The following TBC1D5 variants were observed in gnomAD, a reference collection of about 807,000 sequenced individuals.
The protein encoded by TBC1D5 is TBC1 domain family member 5.
A neutral mutation model predicts 100.3 loss-of-function variants in TBC1D5; 75 were observed. The observed-to-expected ratio is 0.75, with a 90% CI of 0.62 to 0.91. The LOEUF is 0.91. Ranked by LOEUF, TBC1D5 falls within the 40% of genes least tolerant of loss-of-function variation. TBC1D5 has a pLI of 0.00. For missense variants in TBC1D5, 910 were observed against 942.4 expected, an observed-to-expected ratio of 0.97 and a Z score of 0.45; for synonymous variants, 323 against 325.6, an observed-to-expected ratio of 0.99 and a Z score of 0.09.
At chr3:17,256,964 G>A (rs1465349582) in intron 16 of TBC1D5, among the ~76,000 whole-genome samples, 1 of 152,090 alleles carries the variant, frequency 6.6e-6, no homozygotes, top group African/African-American at 2.4e-5. Flanking sequence ...CTAAGCAAGG[G>A]CAAATAACAG....
At chr3:17,714,164 C>T (rs1280423803) in intron 1 of TBC1D5, among the ~76,000 whole-genome samples, 1 of 152,062 alleles carries the variant, frequency 6.6e-6, no homozygotes, top group Non-Finnish European at 1.5e-5. Flanking sequence ...CTGGGAGCTA[C>T]CTTAATGACT....
chr3:17,436,837 G>A (rs1444549501), intron 3 of TBC1D5, among the ~76,000 whole-genome samples: 1 of 152,080 alleles, frequency 6.6e-6, no homozygotes, highest in Admixed American at 6.5e-5. Context: ...GATAAAACAA[G>A]CTATAAGAGG....
At chr3:17,682,559 C>T (rs1186825368) in intron 1 of TBC1D5, among the ~76,000 whole-genome samples, 2 of 151,350 alleles carry the variant, frequency 1.3e-5, no homozygotes, top group Admixed American at 1.3e-4. Flanking sequence ...TGAATTAAGA[C>T]TCCTGTTAAA....
chr3:17,310,703 A>T (rs896255943), intron 13 of TBC1D5, among the ~76,000 whole-genome samples: 4 of 152,066 alleles, frequency 2.6e-5, no homozygotes, highest in African/African-American at 4.8e-5. Context: ...AAAAAATACC[A>T]AAACCACATA....
chr3:17,719,909 T>C (rs2075552294), intron 1 of TBC1D5, among the ~76,000 whole-genome samples: 1 of 152,308 alleles, frequency 6.6e-6, no homozygotes, highest in South Asian at 2.1e-4. Context: ...ATGCAAAATA[T>C]ATCAACTTAG....
In TBC1D5 at chr3:17,619,687, A is replaced by C. The variant is rs142568140; in HGVS notation, c.-36+4162T>G. Among the ~76,000 whole-genome samples, 20 of 152,364 alleles carry C rather than the reference A, an allele frequency of 1.3e-4. No homozygotes were observed. The East Asian group carries it at 3.5e-3, about 26-fold the overall frequency. ...GAGGGATTCTTCCTATAAACTAAGA[A>C]TTCATAAAAGAAAACGCTTTCTCAA... On this transcript the variant is annotated intron_variant, in intron 2 of 21. Coordinates refer to ENST00000253692, the Ensembl canonical transcript of TBC1D5.
At chr3:17,385,586 TGGTCC>T (rs2093120365) in intron 8 of TBC1D5, among the ~76,000 whole-genome samples, 1 of 150,960 alleles carries the variant, frequency 6.6e-6, no homozygotes, top group Admixed American at 6.6e-5. Context: ...TCTTTTTTTC[TGGTCC>T]TAATTTTTTA....
In TBC1D5 at chr3:17,705,463, C is replaced by T. The variant is rs1185810550; in HGVS notation, c.-101+33880G>A. On this transcript the variant is annotated intron_variant, in intron 1 of 21. Coordinates refer to ENST00000253692, the Ensembl canonical transcript of TBC1D5. Reference sequence around the variant, plus strand: ...CTCACTTCTCAGACGGGGCAGCTGTCGGGCGGAGGGGCTCCTCACTTCTCA... The same window carrying T: ...CTCACTTCTCAGACGGGGCAGCTGTTGGGCGGAGGGGCTCCTCACTTCTCA... 8.2e-4 allele frequency among the ~76,000 whole-genome samples: 123 copies of T among 149,290 alleles called. 1 individual carries two copies. Among genetic ancestry groups the T allele is most frequent in the Admixed American group, 6.5e-3 (99 of 15,134 alleles).
intron 1 of TBC1D5, among the ~76,000 whole-genome samples, chr3:17,712,807 A>C (rs540984225): frequency 4.6e-5 from 7 of 152,290 alleles, no homozygotes; most frequent in Non-Finnish European, 8.8e-5. Flanking sequence ...ATTCCACACA[A>C]CTCAGAGCCC....
chr3:17,213,094 A>T (rs1195106934), intron 18 of TBC1D5, among the ~76,000 whole-genome samples: 1 of 152,150 alleles, frequency 6.6e-6, no homozygotes, highest in Non-Finnish European at 1.5e-5. Flanking sequence ...TTTTTCCTGT[A>T]TACCTTACCT....
At chr3:17,261,785 A>C (rs1456579462) in intron 15 of TBC1D5, among the ~76,000 whole-genome samples, 2 of 151,782 alleles carry the variant, frequency 1.3e-5, no homozygotes, top group Non-Finnish European at 2.9e-5. Context: ...AGCCTTCCAA[A>C]GTGCTGTTAT....
chr3:17,599,945 T>C (rs1290526388), intron 2 of TBC1D5, among the ~76,000 whole-genome samples: 1 of 152,222 alleles, frequency 6.6e-6, no homozygotes, highest in African/African-American at 2.4e-5. Context: ...CCTACCTCAG[T>C]ATCTTGCACC....
At chr3:17,621,703 C>T (rs1035430175) in intron 2 of TBC1D5, among the ~76,000 whole-genome samples, 2 of 132,070 alleles carry the variant, frequency 1.5e-5, no homozygotes, top group Non-Finnish European at 3.4e-5. Context: ...AGTATTCTCG[C>T]TAACTTTTTT....
At chr3:17,190,479 C>G (rs2069732973) in intron 18 of TBC1D5, among the ~76,000 whole-genome samples, 1 of 152,124 alleles carries the variant, frequency 6.6e-6, no homozygotes, top group Admixed American at 6.5e-5. Flanking sequence ...AAGTATGGCA[C>G]CTAGGCAACC....
intron 3 of TBC1D5, among the ~76,000 whole-genome samples, chr3:17,431,577 A>T (rs1269998102): frequency 6.6e-6 from 1 of 152,038 alleles, no homozygotes; most frequent in African/African-American, 2.4e-5. Flanking sequence ...TTCATCAATT[A>T]CTTGTGACCG....
intron 2 of TBC1D5, among the ~76,000 whole-genome samples, chr3:17,515,551 A>C (rs1044778479): frequency 8.5e-5 from 13 of 152,210 alleles, no homozygotes; most frequent in African/African-American, 3.1e-4. Context: ...AAGTTATGTG[A>C]CTTATGTAAG....
intron 1 of TBC1D5, among the ~76,000 whole-genome samples, chr3:17,626,727 T>A (rs1489352521): frequency 6.6e-6 from 1 of 152,106 alleles, no homozygotes; most frequent in Non-Finnish European, 1.5e-5. Flanking sequence ...AAGGCCATCA[T>A]AGAGTAAAAT....
At chr3:17,230,372 A>T (rs1232772348) in intron 17 of TBC1D5, among the ~76,000 whole-genome samples, 1 of 152,072 alleles carries the variant, frequency 6.6e-6, no homozygotes, top group African/African-American at 2.4e-5. Flanking sequence ...ATTATGCCTC[A>T]ATTTAATATA....
chr3:17,397,960 T>C (rs966232007), intron 8 of TBC1D5, among the ~76,000 whole-genome samples: 43 of 152,184 alleles, frequency 2.8e-4, no homozygotes, highest in African/African-American at 1.0e-3. Context: ...CTTATAAATA[T>C]GTTAATCTGC....
Sources: allele counts gnomAD v4.1 joint callset (sites outside exome capture counted in the v4.1 genomes callset), GRCh38; gene constraint gnomAD v4.1.1; transcripts MANE v1.5; gene names NCBI Gene and HGNC (gene_info 2026-07-23, HGNC 2026-07-21).